Variants in WDR36 observed in about 807,000 individuals in gnomAD.
WDR36 encodes WD repeat-containing protein 36.
Under a neutral mutation model 112.7 loss-of-function variants are expected in WDR36, and 63 were observed. The ratio of observed to expected loss-of-function variants is 0.56; its 90% CI spans 0.46 to 0.69. The LOEUF is 0.69. Among genes scored for constraint, WDR36 ranks in the 30% least tolerant of loss-of-function variants. The pLI, the probability that WDR36 is intolerant of heterozygous loss-of-function variation, is 0.00. For missense variants in WDR36, 1,226 were observed against 1,070.3 expected, an observed-to-expected ratio of 1.15 and a Z score of -2.03; for synonymous variants, 410 against 362.2, an observed-to-expected ratio of 1.13 and a Z score of -1.50.
intron 19 of WDR36, among the ~76,000 whole-genome samples, chr5:111,122,446 C>T (rs1753585347): frequency 6.6e-6 from 1 of 152,164 alleles, no homozygotes; most frequent in Non-Finnish European, 1.5e-5. Flanking sequence ...CTATAGTTTA[C>T]ATTTGTCCTG....
At position 111,097,192 on chromosome 5, in the gene WDR36, A is replaced by G. The variant is rs1753011654; in HGVS notation, c.291+13A>G. The G allele has an allele frequency of 6.3e-7, 1 of 1,586,892 alleles. No homozygotes were observed. The highest frequency in any genetic ancestry group is 1.1e-5 in the South Asian group (1 of 90,570). Reference sequence around the variant, plus strand: ...CCGTAATAAAGAGGTTGGTATCGCTAAACTACTTGTTTGTCAGTCAGTATT... The same window carrying G: ...CCGTAATAAAGAGGTTGGTATCGCTGAACTACTTGTTTGTCAGTCAGTATT... On this transcript the variant is annotated intron_variant, in intron 3 of 22. Transcript: ENST00000513710.
Position 111,125,624 on chromosome 5 carries a change from C to A in WDR36, c.2367C>A (p.Asn789Lys), listed in dbSNP as rs759832551. ...LVNNKYDTALNLLKESGPSGI... is the reference protein window; with the variant it reads ...LVNNKYDTALKLLKESGPSGI... ...TTAATGCAGATGACACTGCTCTCAA[C>A]CTTCTGAAAGAATCAGGCCCATCAG... Residue 789 changes from asparagine (N) to lysine (K), a missense_variant, in exon 22 of 23, where the codon AAC becomes AAA. Asn to Lys is a moderately conservative substitution (Grantham distance 94, BLOSUM62 0). Transcript: ENST00000513710. 4 of 1,613,506 alleles carry A rather than the reference C, an allele frequency of 2.5e-6. No individual in the cohort carries two copies. The highest frequency in any genetic ancestry group is 3.4e-6 in the Non-Finnish European group (4 of 1,179,746).
chr5:111,106,075 G>C lies in WDR36; in HGVS notation c.1112G>C (p.Arg371Thr). ...TCCTTAGGATTAATAAATAAAAAGAGAGTTAAACGTAAAGGACTTCAGAAT... is the reference window on the plus strand; with the variant it reads ...TCCTTAGGATTAATAAATAAAAAGACAGTTAAACGTAAAGGACTTCAGAAT... ...SLGHGLINKK[R>T]VKRKGLQNTM... Residue 371 changes from arginine to threonine, a missense_variant, in exon 11 of 23, where the codon AGA (arginine) becomes ACA (threonine). Physicochemically the swap from Arg to Thr is moderately conservative, Grantham distance 71. Coordinates refer to ENST00000513710, the MANE Select transcript of WDR36 (RefSeq NM_139281.3). 1.2e-6 allele frequency: 2 copies of C among 1,609,462 alleles called. No homozygotes were observed. Among genetic ancestry groups the C allele is most frequent in the Non-Finnish European group, 1.7e-6 (2 of 1,176,656 alleles).
At position 111,126,852 on chromosome 5, in the gene WDR36, T is replaced by G. The variant is rs199542871; in HGVS notation, c.2657T>G (p.Ile886Ser). The change falls in exon 23 of 23, where the codon ATT becomes AGT. Residue 886 changes from isoleucine to serine, a missense_variant. Coordinates refer to ENST00000513710, the MANE Select transcript of WDR36 (RefSeq NM_139281.3). ...LQSLFNQSMC[I>S]LNYLKSALL ...TCACTCTTCAATCAAAGCATGTGTA[T>G]TTTAAATTATCTCAAAAGTGCTTTG... The G allele has an allele frequency of 4.4e-6, 7 of 1,609,060 alleles. No individual in the cohort carries two copies. The highest frequency in any genetic ancestry group is 1.6e-4 in the Middle Eastern group (1 of 6,062).
At chr5:111,103,271 A>G (rs981136837) in intron 6 of WDR36, among the ~76,000 whole-genome samples, 1 of 151,762 alleles carries the variant, frequency 6.6e-6, no homozygotes, top group Non-Finnish European at 1.5e-5. Flanking sequence ...CATTATAACC[A>G]TAGAATATTA....
chr5:111,128,037 GTTTTC>G lies in WDR36; in HGVS notation c.*1159_*1163del. 5.0e-6 allele frequency: 1 copy of G among 199,024 alleles called. No homozygotes were observed. The highest frequency in any genetic ancestry group is 7.7e-5 in the East Asian group (1 of 12,944). 12.3% of individuals were successfully genotyped at this position (199,024 alleles called of 1,614,324 possible). A position where few individuals can be genotyped will look rare whatever the true frequency, so the allele number is the denominator to read the frequency against. ...CATTGCAAACCCAGGTAGCCCTGGA[GTTTTC>G]TTTTTTTCTCATCATCATTGTTTTG... On this transcript the variant is annotated 3_prime_UTR_variant, in exon 23 of 23. Transcript: ENST00000513710.
chr5:111,121,800 A>ACTG (rs1443245674), intron 19 of WDR36, among the ~76,000 whole-genome samples: 1 of 152,174 alleles, frequency 6.6e-6, no homozygotes, highest in Non-Finnish European at 1.5e-5. Flanking sequence ...AGCAAAAACT[A>ACTG]CTGAAAGGAA....
Position 111,104,742 on chromosome 5 carries a change from T to C in WDR36, c.952T>C (p.Phe318Leu), listed in dbSNP as rs765669337. ...TACAGGTGAAGGCCGACTTTTGAGA[T>C]TCAGAATGGGTCATAGTGCTCCTCT... ...GPTGEGRLLR[F>L]RMGHSAPLTN... Residue 318 changes from phenylalanine (F) to leucine (L), a missense_variant, in exon 9 of 23, where the codon TTC becomes CTC. Phe to Leu is a conservative substitution (Grantham distance 22). Transcript: ENST00000513710. 15 of 1,611,454 alleles carry C rather than the reference T, an allele frequency of 9.3e-6. No homozygotes were observed. The Admixed American group carries it at 2.3e-4, about 25-fold the overall frequency.
In WDR36 at chr5:111,118,845, T is replaced by C. The variant is rs151201106; in HGVS notation, c.1797-168T>C. On this transcript the variant is annotated intron_variant, in intron 16 of 22. Coordinates refer to ENST00000513710, the MANE Select transcript of WDR36 (RefSeq NM_139281.3). ...GATTATTTTCACATAGTAACTTAGT[T>C]AACAAAGCTGTTTATTAGTGGTGAC... Among the ~76,000 whole-genome samples, 521 of 152,286 alleles carry C rather than the reference T, an allele frequency of 3.4e-3. 3 individuals are homozygous for C. Among genetic ancestry groups the C allele is most frequent in the Non-Finnish European group, 5.5e-3 (374 of 68,014 alleles).
chr5:111,123,280 GA>G (rs1296284921), intron 19 of WDR36, among the ~76,000 whole-genome samples: 7 of 152,192 alleles, frequency 4.6e-5, no homozygotes, highest in African/African-American at 9.6e-5. Context: ...AGGTACTAAA[GA>G]AAAAATTCCA....
rs369616911 is a variant in WDR36, at chr5:111,104,795, T to C, written c.1005T>C (p.Asn335=). 2 of 1,611,100 alleles carry C rather than the reference T, an allele frequency of 1.2e-6. No individual in the cohort carries two copies. The highest frequency in any genetic ancestry group is 2.7e-5 in the African/African-American group (2 of 74,768). The change falls in exon 9 of 23, where the codon AAT becomes AAC. Residue 335 remains asparagine, a synonymous_variant. Coordinates refer to ENST00000513710, the MANE Select transcript of WDR36 (RefSeq NM_139281.3). ...PLTNIRYYGQ[N]GQQILSASQD... ...CCAATATCAGATATTATGGACAGAA[T>C]GGACAGCAGATTCTAAGTGCAAGTG...
chr5:111,101,982 T>C (rs1487364385), intron 5 of WDR36, among the ~76,000 whole-genome samples: 3 of 151,902 alleles, frequency 2.0e-5, no homozygotes, highest in African/African-American at 7.2e-5. Flanking sequence ...AACATGCAAA[T>C]AATATTTTTA....
intron 1 of WDR36, among the ~76,000 whole-genome samples, chr5:111,093,183 C>T (rs897483253): frequency 2.6e-5 from 4 of 152,174 alleles, no homozygotes; most frequent in Admixed American, 2.6e-4. Context: ...ACCGTAGCAC[C>T]TTTATATAAT....
intron 16 of WDR36, among the ~76,000 whole-genome samples, 197 bp downstream of exon 16, chr5:111,113,350 A>G (rs1753387206): frequency 6.6e-6 from 1 of 152,078 alleles, no homozygotes; most frequent in South Asian, 2.1e-4. Flanking sequence ...ATGAAACATA[A>G]TAGAAAAATG....
chr5:111,106,359 A>G (rs1440453697), intron 11 of WDR36, among the ~76,000 whole-genome samples: 3 of 151,490 alleles, frequency 2.0e-5, no homozygotes, highest in Non-Finnish European at 4.4e-5. Flanking sequence ...GCTCTTCTGT[A>G]TAACAGGTAT....
chr5:111,105,465 AT>A (rs1490470480), intron 10 of WDR36, 105 bp downstream of exon 10: 10 of 1,040,726 alleles, frequency 9.6e-6, no homozygotes, highest in Non-Finnish European at 1.5e-5. Context: ...TTTTTCTTGG[AT>A]GAACTAGATA....
intron 1 of WDR36, 104 bp downstream of exon 1, chr5:111,092,722 C>G (rs1042636363): frequency 1.5e-4 from 190 of 1,277,884 alleles, no homozygotes; most frequent in Non-Finnish European, 2.0e-4. Flanking sequence ...CACGGGCTTC[C>G]CTTCTTTAAC....
At chr5:111,095,149 G>C in intron 2 of WDR36, 1 of 560,426 alleles carries the variant, frequency 1.8e-6, no homozygotes, top group Non-Finnish European at 3.2e-6. Flanking sequence ...CTTTAATCTG[G>C]AACTGTTCTT....
chr5:111,096,760 G>C (rs1354031166), intron 2 of WDR36, among the ~76,000 whole-genome samples: 1 of 151,678 alleles, frequency 6.6e-6, no homozygotes, highest in African/African-American at 2.4e-5. Context: ...CTATCTGTCA[G>C]AGCTTTGTGT....
Sources: gnomAD v4.1 joint callset for allele counts (sites outside exome capture counted in the v4.1 genomes callset) on GRCh38, gnomAD v4.1.1 for gene constraint, MANE v1.5 for transcripts, NCBI Gene and HGNC (gene_info 2026-07-23, HGNC 2026-07-21) for gene names.